Variants in CD40 observed in about 807,000 individuals in gnomAD.
CD40 encodes the protein CD40 molecule.
Under a neutral mutation model 38.5 loss-of-function variants are expected in CD40, and 19 were observed. That is an observed-to-expected ratio of 0.49 (90% CI 0.34 to 0.72). The LOEUF (loss-of-function observed/expected upper bound fraction) is 0.72. Ranked by LOEUF, CD40 falls within the 30% of genes least tolerant of loss-of-function variation. CD40 has a pLI of 0.01. For synonymous variants in CD40, 130 were observed against 128.7 expected (o/e 1.01, Z -0.07); for missense variants, 256 against 344.1 (o/e 0.74, Z 2.03).
At chr20:46,118,536 G>A in intron 1 of CD40, 142 bp downstream of exon 1, 1 of 796,606 alleles carries the variant, frequency 1.3e-6, no homozygotes, top group Non-Finnish European at 2.1e-6. Context: ...AGGTGCCCCC[G>A]CTCCTGGCTG....
intron 5 of CD40, among the ~76,000 whole-genome samples, chr20:46,125,015 C>T (rs918543240): frequency 2.0e-5 from 3 of 151,486 alleles, no homozygotes; most frequent in African/African-American, 7.3e-5. Flanking sequence ...GATCCGTCTG[C>T]CTTGGCCTCC....
At chr20:46,123,002 C>T (rs2145594537) in intron 4 of CD40, 124 bp from the exon 5 acceptor site, 1 of 917,328 alleles carries the variant, frequency 1.1e-6, no homozygotes, top group South Asian at 1.3e-5. Flanking sequence ...GGGGGCAGTA[C>T]CACATCGGGG....
At chr20:46,126,782 G>C (rs1462061439) in intron 6 of CD40, 81 bp downstream of exon 6, 1 of 1,610,948 alleles carries the variant, frequency 6.2e-7, no homozygotes, top group Non-Finnish European at 8.5e-7. Context: ...AGGAACACTG[G>C]ATGGGAAAAA....
intron 8 of CD40, 177 bp from the exon 9 acceptor site, chr20:46,128,705 T>G (rs2085488989): frequency 7.2e-6 from 5 of 696,740 alleles, no homozygotes; most frequent in African/African-American, 1.8e-5. Flanking sequence ...CTCTGGAAGC[T>G]CTTCGTCGCC....
At chr20:46,124,996 T>C (rs1275402806) in intron 5 of CD40, among the ~76,000 whole-genome samples, 1 of 151,622 alleles carries the variant, frequency 6.6e-6, no homozygotes, top group African/African-American at 2.4e-5. Flanking sequence ...CTTGATCTCC[T>C]GACCTCGTGA....
In CD40 at chr20:46,129,412, A is replaced by C. The variant is rs117490488; in HGVS notation, c.*372A>C. ...TCCCTGCGCCCAGGAAGCCATATAC[A>C]CAGATGCCCATTGCAGCATTGTTTG... On this transcript the variant is annotated 3_prime_UTR_variant, in exon 9 of 9. Coordinates refer to ENST00000372285, the MANE Select transcript of CD40 (RefSeq NM_001250.6). The C allele has an allele frequency of 4.7e-4, 145 of 308,930 alleles. No homozygotes were observed. Among genetic ancestry groups the C allele is most frequent in the Non-Finnish European group, 5.0e-4 (78 of 156,848 alleles). 19.1% of individuals were successfully genotyped at this position (308,930 alleles called of 1,614,324 possible).
chr20:46,118,322 T>C lies in CD40; in HGVS notation c.-22T>C. 1 of 1,612,886 alleles carries C rather than the reference T, an allele frequency of 6.2e-7. No individual in the cohort carries two copies. Among genetic ancestry groups the C allele is most frequent in the Non-Finnish European group, 8.5e-7 (1 of 1,179,620 alleles). On this transcript the variant is annotated 5_prime_UTR_variant, in exon 1 of 9. Transcript: ENST00000372285. ...GCCTCGCTCGGGCGCCCAGTGGTCCTGCCGCCTGGTCTCACCTCGCTATGG... is the reference window on the plus strand; with the variant it reads ...GCCTCGCTCGGGCGCCCAGTGGTCCCGCCGCCTGGTCTCACCTCGCTATGG...
At chr20:46,121,210 G>C (rs535235815) in intron 1 of CD40, among the ~76,000 whole-genome samples, 4 of 152,348 alleles carry the variant, frequency 2.6e-5, no homozygotes, top group Non-Finnish European at 5.9e-5. Context: ...CTCTGTCACT[G>C]TGAGACTCTG....
chr20:46,124,750 A>ATTTTTTT (rs1568908672), intron 5 of CD40, among the ~76,000 whole-genome samples: 1 of 65,392 alleles, frequency 1.5e-5, no homozygotes, highest in Non-Finnish European at 3.4e-5. Context: ...CCACTGGTAT[A>ATTTTTTT]GTTTTTTTTT....
intron 5 of CD40, among the ~76,000 whole-genome samples, chr20:46,124,751 GTTTTTTTTTTTTTTTTTT>G (rs780015926): frequency 8.1e-5 from 6 of 73,938 alleles, no homozygotes; most frequent in African/African-American, 1.7e-4. Flanking sequence ...CACTGGTATA[GTTTTTTTTTTTTTTTTTT>G]TTTTTTTTTT....
Position 46,122,385 on chromosome 20 carries a change from C to T in CD40, c.256+27C>T. ...TGCGTGCGCTGTTGGGAAAGGGACG[C>T]TTGGGAACCGGGCTGATATTCCCGA... On this transcript the variant is annotated intron_variant, in intron 3 of 8. Transcript: ENST00000372285. This position sits in a 1 kb window ranked among gnomAD's most constrained non-coding sequence, Gnocchi z 5.0. 6.2e-7 allele frequency: 1 copy of T among 1,614,022 alleles called. No individual in the cohort carries two copies. Among genetic ancestry groups the T allele is most frequent in the Non-Finnish European group, 8.5e-7 (1 of 1,179,998 alleles).
At chr20:46,118,998 A>T (rs562607756) in intron 1 of CD40, among the ~76,000 whole-genome samples, 51 of 49,002 alleles carry the variant, frequency 1.0e-3, no homozygotes, top group African/African-American at 4.3e-3. Flanking sequence ...ATTTAAGATG[A>T]CATAGGAGAC....
chr20:46,124,453 G>T (rs561154408), intron 5 of CD40, among the ~76,000 whole-genome samples: 2 of 152,070 alleles, frequency 1.3e-5, no homozygotes, highest in African/African-American at 4.8e-5. Context: ...GGGAGCCATT[G>T]TTCCTTGCAT....
At chr20:46,123,354 G>T in intron 5 of CD40, 135 bp downstream of exon 5, 2 of 811,638 alleles carry the variant, frequency 2.5e-6, no homozygotes, top group Non-Finnish European at 4.4e-6. Context: ...TCTGCAGAGT[G>T]GCCTCATGGC....
At chr20:46,127,078 T>G (rs950389784) in intron 6 of CD40, 37 of 316,982 alleles carry the variant, frequency 1.2e-4, no homozygotes, top group African/African-American at 7.7e-4. Flanking sequence ...GGTACATGTA[T>G]ACATATGTAA....
At chr20:46,126,557 G>C in intron 5 of CD40, 83 bp from the exon 6 acceptor site, 3 of 1,537,406 alleles carry the variant, frequency 2.0e-6, no homozygotes, top group Non-Finnish European at 2.7e-6. Context: ...ACTCACTCTA[G>C]AGTTGGAAAT....
intron 1 of CD40, 177 bp from the exon 2 acceptor site, chr20:46,121,643 C>A: frequency 1.5e-6 from 1 of 685,734 alleles, no homozygotes; most frequent in Non-Finnish European, 2.7e-6. Context: ...CGATTATAAT[C>A]AGCTCAGTTG....
chr20:46,128,090 G>T, intron 6 of CD40, 48 bp from the exon 7 acceptor site: 1 of 1,614,054 alleles, frequency 6.2e-7, no homozygotes, highest in African/African-American at 1.3e-5. Context: ...TTGAGGGTAG[G>T]GAGAAACTGC....
rs1568906244 is a variant in CD40, at chr20:46,122,508, T to C, written c.257-102T>C. 6.3e-7 allele frequency: 1 copy of C among 1,583,064 alleles called. No homozygotes were observed. ...TAAATGATTTGATTGCCATCTCTAC[T>C]TGGAAGAGGGTCTGAGGAAGAAAGA... On this transcript the variant is annotated intron_variant, in intron 3 of 8. Transcript: ENST00000372285. This position sits in a 1 kb window ranked among gnomAD's most constrained non-coding sequence, Gnocchi z 5.0.
Sources: gnomAD v4.1 joint callset for allele counts (sites outside exome capture counted in the v4.1 genomes callset) on GRCh38, gnomAD v4.1.1 for gene constraint, Gnocchi (gnomAD v3.1) non-coding constraint, MANE v1.5 for transcripts, NCBI Gene and HGNC (gene_info 2026-07-23, HGNC 2026-07-21) for gene names.